The following BTAF1 variants were observed in gnomAD, a reference collection of about 807,000 sequenced individuals.
BTAF1 encodes TATA-binding protein-associated factor 172.
BTAF1 carries 38 observed loss-of-function variants against 227.1 expected under a neutral mutation model. The ratio of observed to expected loss-of-function variants is 0.17; its 90% CI spans 0.13 to 0.22. BTAF1 has a LOEUF of 0.22. BTAF1 is among the 10% of genes least tolerant of loss of function. The probability of loss-of-function intolerance (pLI) is 1.00; values close to 1 mark genes in which losing one functional copy is unlikely to be tolerated. For missense variants in BTAF1, 1,598 were observed against 2,204.0 expected, an observed-to-expected ratio of 0.73 and a Z score of 5.51; for synonymous variants, 742 against 751.9, an observed-to-expected ratio of 0.99 and a Z score of 0.21.
At chr10:91,947,545 C>T (rs182567445) in intron 4 of BTAF1, among the ~76,000 whole-genome samples, 1 of 152,226 alleles carries the variant, frequency 6.6e-6, no homozygotes, top group Admixed American at 6.5e-5. Context: ...TTTCAGGACT[C>T]TTAATTCTAT....
At chr10:91,941,640 A>G (rs891640689) in intron 3 of BTAF1, among the ~76,000 whole-genome samples, 2 of 152,172 alleles carry the variant, frequency 1.3e-5, no homozygotes, top group African/African-American at 4.8e-5. Context: ...TTCCTCAGGT[A>G]TGGGGAGGGA....
chr10:91,952,869 A>G (rs529630188), intron 5 of BTAF1, among the ~76,000 whole-genome samples: 2 of 152,346 alleles, frequency 1.3e-5, no homozygotes, highest in South Asian at 4.1e-4. Flanking sequence ...ATATGATCAC[A>G]GTATGGGTAA....
intron 20 of BTAF1, 124 bp downstream of exon 20, chr10:91,989,704 A>G (rs1703543480): frequency 1.0e-6 from 1 of 952,900 alleles, no homozygotes; most frequent in Non-Finnish European, 1.5e-6. Flanking sequence ...TCTGAGAGAA[A>G]AGGCTTGATT....
In BTAF1 at chr10:91,966,510, T is replaced by C. The variant is rs1846926524; in HGVS notation, c.1530-127T>C. 4 of 919,436 alleles carry C rather than the reference T, an allele frequency of 4.4e-6. 1 individual carries two copies. Among genetic ancestry groups the C allele is most frequent in the Non-Finnish European group, 6.5e-6 (4 of 613,032 alleles). The allele number at this position is 919,436 out of a possible 1,614,324, so 57.0% of individuals were successfully genotyped here. ...TTCATATGAAAACTGTATTATCTTT[T>C]AAGAATTTATTCATCAAAAAAGTCA... On this transcript the variant is annotated intron_variant, in intron 13 of 37. Transcript: ENST00000265990.
chr10:92,000,792 G>T (rs1434957274), intron 25 of BTAF1, among the ~76,000 whole-genome samples: 1 of 152,112 alleles, frequency 6.6e-6, no homozygotes, highest in Non-Finnish European at 1.5e-5. Flanking sequence ...GGCCTTAGGT[G>T]ATCCGCCCAC....
intron 25 of BTAF1, among the ~76,000 whole-genome samples, chr10:92,002,059 G>A (rs1162506522): frequency 2.7e-5 from 4 of 149,526 alleles, no homozygotes; most frequent in African/African-American, 7.4e-5. Context: ...GTGTGATGAC[G>A]AGCACAATGA....
chr10:91,994,224 C>T (rs1244675374), intron 22 of BTAF1, among the ~76,000 whole-genome samples: 1 of 151,872 alleles, frequency 6.6e-6, no homozygotes, highest in African/African-American at 2.4e-5. Context: ...TGCTTGAACC[C>T]TGGGGGTGGA....
intron 25 of BTAF1, among the ~76,000 whole-genome samples, chr10:92,007,820 G>A (rs1346840854): frequency 2.0e-5 from 3 of 152,248 alleles, no homozygotes; most frequent in Non-Finnish European, 4.4e-5. Flanking sequence ...AAATTGAGAA[G>A]TGCCAGTAAT....
chr10:92,021,854 G>C (rs1053779964), intron 34 of BTAF1, among the ~76,000 whole-genome samples: 21 of 151,980 alleles, frequency 1.4e-4, no homozygotes, highest in Admixed American at 1.3e-3. Context: ...CAAATTTTGA[G>C]TTTTATAGTT....
At chr10:91,955,829 C>A (rs575945059) in intron 6 of BTAF1, among the ~76,000 whole-genome samples, 2 of 152,136 alleles carry the variant, frequency 1.3e-5, no homozygotes, top group African/African-American at 4.8e-5. Context: ...GCTCAGATTT[C>A]TTTTATCACC....
In BTAF1 at chr10:91,964,156, C is replaced by T; in HGVS notation, c.1484C>T (p.Thr495Ile). ...DLTASTNSIM[T>I]LLSSLLTYPQ... ...ACAGCTTCAACAAATAGTATTATGACTCTCCTTTCATCCTTGTTAACTTAC... is the reference window on the plus strand; with the variant it reads ...ACAGCTTCAACAAATAGTATTATGATTCTCCTTTCATCCTTGTTAACTTAC... The change falls in exon 13 of 38, where the codon ACT becomes ATT. Residue 495 changes from threonine to isoleucine, a missense_variant. Around this residue, in one of 10 missense-constraint regions of BTAF1, gnomAD observed 318 missense variants for 435.0 expected, o/e 0.73. Transcript: ENST00000265990. 1 of 1,612,972 alleles carries T rather than the reference C, an allele frequency of 6.2e-7. No individual in the cohort carries two copies. Among genetic ancestry groups the T allele is most frequent in the South Asian group, 1.1e-5 (1 of 91,050 alleles).
At position 92,013,718 on chromosome 10, in the gene BTAF1, T is replaced by C. The variant is rs749354210; in HGVS notation, c.4363T>C (p.Leu1455=). 2.1e-5 allele frequency: 34 copies of C among 1,613,996 alleles called. No homozygotes were observed. Among genetic ancestry groups the C allele is most frequent in the African/African-American group, 2.7e-5 (2 of 74,936 alleles). The change falls in exon 31 of 38, where the codon TTG becomes CTG. Residue 1455 remains leucine (L), a synonymous_variant. Transcript: ENST00000265990. ...SLFDFLMPGF[L]GTERQFAARY... ...ATTTGATTTCCTCATGCCAGGATTT[T>C]TGGGTACTGAACGCCAGTTTGCTGC...
At chr10:91,962,781 ATTT>A in intron 12 of BTAF1, 103 bp downstream of exon 12, 1 of 915,008 alleles carries the variant, frequency 1.1e-6, no homozygotes, top group Non-Finnish European at 1.5e-6. Context: ...TTCATCTTCA[ATTT>A]TTTTTTTTAA....
intron 14 of BTAF1, among the ~76,000 whole-genome samples, chr10:91,973,632 C>T (rs533427222): frequency 6.4e-4 from 98 of 152,138 alleles, no homozygotes; most frequent in Admixed American, 1.6e-3. Flanking sequence ...CGGCCGGGCG[C>T]GGTGGCTCAC....
chr10:91,987,988 C>G (rs1468805367), intron 19 of BTAF1, among the ~76,000 whole-genome samples: 1 of 152,158 alleles, frequency 6.6e-6, no homozygotes, highest in African/African-American at 2.4e-5. Context: ...AGACAGTGTC[C>G]TGTTTTCCAC....
intron 4 of BTAF1, among the ~76,000 whole-genome samples, chr10:91,948,127 T>G (rs891614042): frequency 2.6e-5 from 4 of 152,124 alleles, no homozygotes; most frequent in Middle Eastern, 3.2e-3. Flanking sequence ...TCATTTACAT[T>G]AAGTATTTCT....
At chr10:91,944,708 C>G (rs1845243427) in intron 4 of BTAF1, among the ~76,000 whole-genome samples, 1 of 152,174 alleles carries the variant, frequency 6.6e-6, no homozygotes, top group Non-Finnish European at 1.5e-5. Context: ...AGCTATCACC[C>G]TTTTATCCTC....
At chr10:91,941,268 A>G (rs1844978046) in intron 3 of BTAF1, among the ~76,000 whole-genome samples, 1 of 152,142 alleles carries the variant, frequency 6.6e-6, no homozygotes. Context: ...TTTTTAAAAA[A>G]CTCGCATTAA....
At chr10:91,974,836 A>G (rs1302055096) in intron 14 of BTAF1, among the ~76,000 whole-genome samples, 1 of 152,222 alleles carries the variant, frequency 6.6e-6, no homozygotes, top group Non-Finnish European at 1.5e-5. Flanking sequence ...CCTAGGTGAC[A>G]GAGTGAAACT....
Sources: allele counts gnomAD v4.1 joint callset (sites outside exome capture counted in the v4.1 genomes callset), GRCh38; gene constraint gnomAD v4.1.1; regional missense constraint gnomAD v4.1.1; transcripts MANE v1.5; gene names NCBI Gene and HGNC (gene_info 2026-07-23, HGNC 2026-07-21).